NUP153: variants seen among roughly 807,000 people sequenced by gnomAD.
The protein encoded by NUP153 is nucleoporin 153.
In NUP153, 27 loss-of-function variants were observed where a neutral mutation model predicts 134.6. The ratio of observed to expected loss-of-function variants is 0.20; its 90% CI spans 0.15 to 0.28. NUP153 has a LOEUF of 0.28. Ranked by LOEUF, NUP153 falls within the 10% of genes least tolerant of loss-of-function variation. The probability of loss-of-function intolerance (pLI) is 1.00; values close to 1 mark genes in which losing one functional copy is unlikely to be tolerated. For synonymous variants in NUP153, 640 were observed against 623.5 expected (o/e 1.03, Z -0.40); for missense variants, 1,821 against 1,731.3 (o/e 1.05, Z -0.92).
chr6:17,706,137 G>A lies in NUP153; in HGVS notation c.111+140C>T, dbSNP rs1458597783. Reference sequence around the variant, plus strand: ...TTCCCGTCGCCACCCCCAACGGCCTGAGCTCCCCCGGAGCCTCACTCGGGC... The same window carrying A: ...TTCCCGTCGCCACCCCCAACGGCCTAAGCTCCCCCGGAGCCTCACTCGGGC... On this transcript the variant is annotated intron_variant, in intron 1 of 21. Transcript: ENST00000262077. This position sits in a 1 kb window ranked among gnomAD's most constrained non-coding sequence, Gnocchi z 5.9. The A allele has an allele frequency of 4.4e-6, 3 of 681,826 alleles. No individual in the cohort carries two copies. The highest frequency in any genetic ancestry group is 5.0e-5 in the Admixed American group (2 of 39,928). The allele number at this position is 681,826 out of a possible 1,614,324, so 42.2% of individuals were successfully genotyped here.
Position 17,688,607 on chromosome 6 carries a change from G to A in NUP153, c.123C>T (p.Ser41=). The A allele has an allele frequency of 6.2e-7, 1 of 1,610,572 alleles. No individual in the cohort carries two copies. The highest frequency in any genetic ancestry group is 1.3e-5 in the African/African-American group (1 of 74,988). ...QGRQQHQGIL[S]RVTESVKNIV... is the part of the protein sequence containing the mutation. ...TATTCTTAACAGATTCTGTAACCCT[G>A]CTAAGAATGCCCTGTTGAGAGAAAA... Residue 41 remains serine, a synonymous_variant, in exon 2 of 22, where the codon AGC becomes AGT. Coordinates refer to ENST00000262077, the MANE Select transcript of NUP153 (RefSeq NM_005124.4).
intron 20 of NUP153, among the ~76,000 whole-genome samples, chr6:17,622,580 C>T (rs1764701215): frequency 6.6e-6 from 1 of 152,256 alleles, no homozygotes; most frequent in South Asian, 2.1e-4. Flanking sequence ...AACAGTGTGA[C>T]TCTAATTTTT....
At chr6:17,665,888 C>CT (rs1224805490) in intron 8 of NUP153, among the ~76,000 whole-genome samples, 1 of 151,912 alleles carries the variant, frequency 6.6e-6, no homozygotes. Flanking sequence ...AGGGTCTCGC[C>CT]ATGTTGCTCA....
chr6:17,656,713 C>T (rs1766839570), intron 11 of NUP153, among the ~76,000 whole-genome samples: 1 of 152,146 alleles, frequency 6.6e-6, no homozygotes, highest in Admixed American at 6.5e-5. Flanking sequence ...ATCTGTCTCC[C>T]CGCAAATTGG....
chr6:17,629,431 T>C lies in NUP153; in HGVS notation c.2768A>G (p.Asn923Ser), dbSNP rs1260079051. The C allele has an allele frequency of 6.2e-7, 1 of 1,613,960 alleles. No homozygotes were observed. The highest frequency in any genetic ancestry group is 8.5e-7 in the Non-Finnish European group (1 of 1,180,014). Residue 923 changes from asparagine (N) to serine (S), a missense_variant, in exon 18 of 22, where the codon AAT becomes AGT. Physicochemically the swap from Asn to Ser is conservative, Grantham distance 46. Coordinates refer to ENST00000262077, the MANE Select transcript of NUP153 (RefSeq NM_005124.4). ...TCCTCCCTGATCTCCAAATTTAAAA[T>C]TTCCAGTGCTTGTTAAAGTCTGAGA... Reference protein sequence around the residue: ...GPSQTLTSTGNFKFGDQGGFK... With the variant: ...GPSQTLTSTGSFKFGDQGGFK...
At position 17,706,355 on chromosome 6, in the gene NUP153, G is replaced by A. The variant is rs1581798371; in HGVS notation, c.33C>T (p.Gly11=). The A allele has an allele frequency of 6.2e-7, 1 of 1,612,946 alleles. No homozygotes were observed. Among genetic ancestry groups the A allele is most frequent in the East Asian group, 2.2e-5 (1 of 44,840 alleles). MASGAGGVGG[G]GGGKIRTRRC... Reference sequence around the variant, plus strand: ...GCCGCGTCCGGATCTTGCCGCCACCGCCCCCTCCGACTCCTCCGGCTCCCG... The same window carrying A: ...GCCGCGTCCGGATCTTGCCGCCACCACCCCCTCCGACTCCTCCGGCTCCCG... The change falls in exon 1 of 22, where the codon GGC becomes GGT. Residue 11 remains glycine (G), a synonymous_variant. Coordinates refer to ENST00000262077, the MANE Select transcript of NUP153 (RefSeq NM_005124.4). This position sits in a 1 kb window ranked among gnomAD's most constrained non-coding sequence, Gnocchi z 5.9.
chr6:17,652,521 G>T (rs1031943508), intron 11 of NUP153, among the ~76,000 whole-genome samples: 1 of 151,910 alleles, frequency 6.6e-6, no homozygotes, highest in Non-Finnish European at 1.5e-5. Context: ...GTAGCCCGGG[G>T]ATAGGCAAAA....
chr6:17,630,059 G>A (rs10949435), intron 17 of NUP153, among the ~76,000 whole-genome samples: 32,707 of 152,120 alleles, frequency 0.22, 4,078 homozygotes, highest in Non-Finnish European at 0.28. Flanking sequence ...AAATCAAAGG[G>A]GCAGAAAGGG....
intron 1 of NUP153, among the ~76,000 whole-genome samples, chr6:17,701,962 C>A (rs1398352466): frequency 2.6e-5 from 4 of 151,760 alleles, no homozygotes; most frequent in Admixed American, 1.3e-4. Context: ...CCCACACCAC[C>A]CCACCCCACC....
At chr6:17,643,699 G>A (rs2113792479) in intron 14 of NUP153, among the ~76,000 whole-genome samples, 1 of 152,246 alleles carries the variant, frequency 6.6e-6, no homozygotes, top group East Asian at 1.9e-4. Context: ...TTTTCAATTA[G>A]CTTTTTTAAA....
chr6:17,667,999 C>G lies in NUP153; in HGVS notation c.1068+976G>C, dbSNP rs114434841. Among the ~76,000 whole-genome samples the G allele has an allele frequency of 2.5e-3, 377 of 149,444 alleles. 5 individuals are homozygous for G. Among genetic ancestry groups the G allele is most frequent in the African/African-American group, 8.6e-3 (350 of 40,650 alleles). ...AAATTCTACTACACACAATAGATTT[C>G]ACAAAATTTTGGTTAATGAGGAAAG... On this transcript the variant is annotated intron_variant, in intron 8 of 21. Coordinates refer to ENST00000262077, the MANE Select transcript of NUP153 (RefSeq NM_005124.4).
intron 9 of NUP153, 79 bp downstream of exon 9, chr6:17,665,160 G>A: frequency 2.9e-6 from 3 of 1,039,998 alleles, no homozygotes; most frequent in Non-Finnish European, 4.2e-6. Flanking sequence ...AGAATACAAT[G>A]GTAGTTATAT....
At chr6:17,631,203 A>T (rs1323382531) in intron 17 of NUP153, among the ~76,000 whole-genome samples, 1 of 152,106 alleles carries the variant, frequency 6.6e-6, no homozygotes, top group Non-Finnish European at 1.5e-5. Flanking sequence ...CACCTACCAG[A>T]GGCAAGTATT....
intron 5 of NUP153, 61 bp from the exon 6 acceptor site, chr6:17,669,607 A>C (rs1446179120): frequency 1.4e-5 from 16 of 1,126,998 alleles, no homozygotes; most frequent in Non-Finnish European, 5.4e-6. Context: ...TATTTCATGC[A>C]GTGAAAATAT....
intron 5 of NUP153, among the ~76,000 whole-genome samples, chr6:17,670,094 T>TC (rs1332238482): frequency 2.3e-5 from 1 of 44,270 alleles, no homozygotes; most frequent in African/African-American, 7.9e-5. Flanking sequence ...AGACTCTTTC[T>TC]CAAAAAAAAA....
chr6:17,657,815 A>T (rs186269372), intron 11 of NUP153, among the ~76,000 whole-genome samples: 131 of 152,382 alleles, frequency 8.6e-4, no homozygotes, highest in South Asian at 1.4e-3. Context: ...GTTTTGCATT[A>T]TAACAATTTG....
At chr6:17,631,498 A>AC (rs1765252597) in intron 17 of NUP153, among the ~76,000 whole-genome samples, 3 of 151,788 alleles carry the variant, frequency 2.0e-5, no homozygotes, top group Non-Finnish European at 4.4e-5. Context: ...CTCATCATCT[A>AC]CCCCCCATCC....
chr6:17,690,270 T>TGAACCCGGGTGGTGTAGCTTGCAGTGA (rs1769195267), intron 1 of NUP153, among the ~76,000 whole-genome samples: 1 of 151,404 alleles, frequency 6.6e-6, no homozygotes, highest in African/African-American at 2.4e-5. Flanking sequence ...GAGAATGGCG[T>TGAACCCGGGTGGTGTAGCTTGCAGTGA]GAACCCGGGT....
intron 16 of NUP153, among the ~76,000 whole-genome samples, chr6:17,634,244 G>C (rs1343859631): frequency 6.6e-6 from 1 of 151,892 alleles, no homozygotes; most frequent in African/African-American, 2.4e-5. Flanking sequence ...TTTCCTTTCT[G>C]GTTGCACCTT....
Sources: gnomAD v4.1 joint callset for allele counts (sites outside exome capture counted in the v4.1 genomes callset) on GRCh38, gnomAD v4.1.1 for gene constraint, Gnocchi (gnomAD v3.1) non-coding constraint, MANE v1.5 for transcripts, NCBI Gene and HGNC (gene_info 2026-07-23, HGNC 2026-07-21) for gene names.